Variants in SPTBN2 observed in about 807,000 individuals in gnomAD.
The protein encoded by SPTBN2 is spectrin beta chain, non-erythrocytic 2.
Under a neutral mutation model 284.2 loss-of-function variants are expected in SPTBN2, and 107 were observed. The observed-to-expected ratio is 0.38, with a 90% CI of 0.32 to 0.44. SPTBN2 has a LOEUF of 0.44. SPTBN2 is among the 20% of genes least tolerant of loss of function. The pLI is 1.00. For synonymous variants in SPTBN2, 1,289 were observed against 1,354.8 expected (o/e 0.95, Z 1.07); for missense variants, 2,569 against 3,287.1 (o/e 0.78, Z 5.34).
At chr11:66,703,504 G>A (rs1262001992) in intron 15 of SPTBN2, among the ~76,000 whole-genome samples, 1 of 152,150 alleles carries the variant, frequency 6.6e-6, no homozygotes, top group South Asian at 2.1e-4. Context: ...AGGCCAAGCC[G>A]GGTGGATCAC....
chr11:66,696,477 C>A lies in SPTBN2; in HGVS notation c.4078G>T (p.Asp1360Tyr). Residue 1360 changes from aspartate (D) to tyrosine (Y), a missense_variant, in exon 21 of 38, where the codon GAC becomes TAC. Transcript: ENST00000533211. ...AGCTCGTCCCAGCGCCTGTGCAGGT[C>A]TCTCAGCTTCTCCGACACCAGGGCT... ...LKALVSEKLRDLHRRWDELET... is the reference protein window; with the variant it reads ...LKALVSEKLRYLHRRWDELET... The A allele has an allele frequency of 6.2e-7, 1 of 1,612,398 alleles. No homozygotes were observed. Among genetic ancestry groups the A allele is most frequent in the Non-Finnish European group, 8.5e-7 (1 of 1,180,020 alleles).
intron 3 of SPTBN2, among the ~76,000 whole-genome samples, chr11:66,717,424 A>G (rs1206050854): frequency 6.6e-6 from 1 of 152,118 alleles, no homozygotes; most frequent in Non-Finnish European, 1.5e-5. Flanking sequence ...GAAACCGGAA[A>G]GACTCATCCC....
chr11:66,691,417 C>T lies in SPTBN2; in HGVS notation c.5432G>A (p.Arg1811His), dbSNP rs372128288. 32 of 1,612,016 alleles carry T rather than the reference C, an allele frequency of 2.0e-5. No homozygotes were observed. The highest frequency in any genetic ancestry group is 1.1e-4 in the African/African-American group (8 of 74,916). The change falls in exon 27 of 38, where the codon CGC (arginine) becomes CAC (histidine). Residue 1811 changes from arginine to histidine, a missense_variant. Physicochemically the swap from Arg to His is conservative, Grantham distance 29. Coordinates refer to ENST00000533211, the MANE Select transcript of SPTBN2 (RefSeq NM_006946.4). The surrounding 1 kb of genome is among the most constrained non-coding windows in gnomAD (Gnocchi z 8.0). ...YELQRFLHGARQALARVQHKQ... is the reference protein window; with the variant it reads ...YELQRFLHGAHQALARVQHKQ... ...GTGCTGCACCCGCGCCAGGGCTTGG[C>T]GTGCCCCGTGCAGGAAGCGCTGCAG...
At chr11:66,698,567 C>T (rs923148703) in intron 20 of SPTBN2, 72 bp downstream of exon 20, 27 of 1,608,688 alleles carry the variant, frequency 1.7e-5, no homozygotes, top group African/African-American at 4.0e-5. Flanking sequence ...ACAAAAACCA[C>T]GTCCTGGAGC....
rs997731601 is a variant in SPTBN2 at position 66,693,955 on chromosome 11, C to A, written c.4504-94G>T. The A allele has an allele frequency of 7.3e-7, 1 of 1,367,480 alleles. No individual in the cohort carries two copies. The highest frequency in any genetic ancestry group is 1.0e-6 in the Non-Finnish European group (1 of 982,402). The allele number at this position is 1,367,480 out of a possible 1,614,324, so 84.7% of individuals were successfully genotyped here. A position where few individuals can be genotyped will look rare whatever the true frequency, so the allele number is the denominator to read the frequency against. Reference sequence around the variant, plus strand: ...AGTGGGGACACCTGGGGCTACCGCCCTGTGTGTGGGGAACAGTCATCTCTG... The same window carrying A: ...AGTGGGGACACCTGGGGCTACCGCCATGTGTGTGGGGAACAGTCATCTCTG... On this transcript the variant is annotated intron_variant, in intron 22 of 37. Coordinates refer to ENST00000533211, the MANE Select transcript of SPTBN2 (RefSeq NM_006946.4). This position sits in a 1 kb window ranked among gnomAD's most constrained non-coding sequence, Gnocchi z 5.7.
chr11:66,693,120 C>T lies in SPTBN2; in HGVS notation c.4855-20G>A. ...CTCATCCTGGGGGAAGGGACAGTGG[C>T]ATCCAGCATCAGGTCAGGGGAGGGC... On this transcript the variant is annotated intron_variant, in intron 24 of 37. Transcript: ENST00000533211. The surrounding 1 kb of genome is among the most constrained non-coding windows in gnomAD (Gnocchi z 5.7). The T allele has an allele frequency of 1.2e-6, 2 of 1,614,196 alleles. No homozygotes were observed. The highest frequency in any genetic ancestry group is 1.7e-6 in the Non-Finnish European group (2 of 1,180,038).
chr11:66,715,109 T>G lies in SPTBN2; in HGVS notation c.483+113A>C. 7.2e-7 allele frequency: 1 copy of G among 1,383,460 alleles called. No individual in the cohort carries two copies. The highest frequency in any genetic ancestry group is 1.4e-5 in the African/African-American group (1 of 70,292). The allele number at this position is 1,383,460 out of a possible 1,614,324, so 85.7% of individuals were successfully genotyped here. On this transcript the variant is annotated intron_variant, in intron 5 of 37. Transcript: ENST00000533211. This position sits in a 1 kb window ranked among gnomAD's most constrained non-coding sequence, Gnocchi z 5.3. ...TAGCGCCGCCATGGCAGCTGCTACA[T>G]AAGGTTCTAGATCCTCCATCTTTGT...
chr11:66,692,814 C>G (rs959551317), intron 25 of SPTBN2, 74 bp from the exon 26 acceptor site: 1 of 1,597,256 alleles, frequency 6.3e-7, no homozygotes, highest in Non-Finnish European at 8.5e-7. Flanking sequence ...CTGTGGAGCC[C>G]TGTCCCTCTG....
At chr11:66,696,127 G>A (rs1378736228) in intron 21 of SPTBN2, 150 bp downstream of exon 21, 5 of 1,018,068 alleles carry the variant, frequency 4.9e-6, no homozygotes, top group Non-Finnish European at 7.4e-6. Flanking sequence ...CATATCCCTA[G>A]AGATTCTGAT....
chr11:66,705,928 G>C (rs750197755), intron 13 of SPTBN2, 91 bp from the exon 14 acceptor site: 7 of 1,530,582 alleles, frequency 4.6e-6, no homozygotes, highest in Non-Finnish European at 6.2e-6. Flanking sequence ...ACGGCCCCAG[G>C]TGTTGCACCC....
intron 3 of SPTBN2, among the ~76,000 whole-genome samples, chr11:66,717,792 G>A (rs909102188): frequency 2.0e-4 from 31 of 152,148 alleles, no homozygotes; most frequent in Non-Finnish European, 3.8e-4. Context: ...CAAGTGTCAC[G>A]TCACAAGACG....
At chr11:66,733,246 G>A (rs1395845150), upstream of SPTBN2, among the ~76,000 whole-genome samples, 1 of 152,194 alleles carries the variant, frequency 6.6e-6, no homozygotes, top group Non-Finnish European at 1.5e-5. Flanking sequence ...GGGGGAATAG[G>A]TTACTCCAGT....
chr11:66,686,864 C>T (rs1940150486), intron 36 of SPTBN2, 130 bp downstream of exon 36: 9 of 1,244,634 alleles, frequency 7.2e-6, no homozygotes, highest in Non-Finnish European at 1.0e-5. Flanking sequence ...ACACTATCCC[C>T]AAGTGGCTGG....
chr11:66,686,461 C>G, intron 36 of SPTBN2, 21 bp from the exon 37 acceptor site: 1 of 1,613,776 alleles, frequency 6.2e-7, no homozygotes. Flanking sequence ...AGAGAGGCCA[C>G]AGGGCAGAGC....
In SPTBN2 at chr11:66,708,467, G is replaced by A. The variant is rs1941686427; in HGVS notation, c.1192-168C>T. On this transcript the variant is annotated intron_variant, in intron 11 of 37. Coordinates refer to ENST00000533211, the MANE Select transcript of SPTBN2 (RefSeq NM_006946.4). This position sits in a 1 kb window ranked among gnomAD's most constrained non-coding sequence, Gnocchi z 4.4. ...AAACAGGGCAGCGCTGGGAGTCTGT[G>A]AAGCCATGTAGAAGCTTCTGGAAAA... Among the ~76,000 whole-genome samples the A allele has an allele frequency of 6.6e-6, 1 of 152,262 alleles. No homozygotes were observed. The highest frequency in any genetic ancestry group is 6.5e-5 in the Admixed American group (1 of 15,288).
intron 17 of SPTBN2, among the ~76,000 whole-genome samples, chr11:66,699,820 G>T (rs1440140645): frequency 1.3e-5 from 2 of 152,186 alleles, no homozygotes; most frequent in East Asian, 3.8e-4. Flanking sequence ...CCATTCCCCA[G>T]CCCAAATCCT....
chr11:66,721,346 CT>C lies in SPTBN2; in HGVS notation c.-23+3del. The C allele has an allele frequency of 6.9e-7, 1 of 1,448,986 alleles. No homozygotes were observed. Among genetic ancestry groups the C allele is most frequent in the Non-Finnish European group, 9.6e-7 (1 of 1,036,532 alleles). The allele number at this position is 1,448,986 out of a possible 1,614,324, so 89.8% of individuals were successfully genotyped here. ...CACCGGGGCCTTCTGTCTTCTTGCCCTACCTGTGCTCCGCTCTCCTTGTGGC... is the reference window on the plus strand; with the variant it reads ...CACCGGGGCCTTCTGTCTTCTTGCCCACCTGTGCTCCGCTCTCCTTGTGGC... On this transcript the variant is annotated splice_donor_region_variant and intron_variant, in intron 2 of 37. Transcript: ENST00000533211.
chr11:66,685,559 A>G lies in SPTBN2; in HGVS notation c.*312T>C, dbSNP rs1045058211. The G allele has an allele frequency of 8.3e-5, 31 of 375,220 alleles. No homozygotes were observed. Among genetic ancestry groups the G allele is most frequent in the African/African-American group, 6.1e-4 (28 of 45,620 alleles). 23.2% of individuals were successfully genotyped at this position (375,220 alleles called of 1,614,324 possible). A position where few individuals can be genotyped will look rare whatever the true frequency, so the allele number is the denominator to read the frequency against. On this transcript the variant is annotated 3_prime_UTR_variant, in exon 38 of 38. Transcript: ENST00000533211. This position sits in a 1 kb window ranked among gnomAD's most constrained non-coding sequence, Gnocchi z 4.4. ...GGGGCAGCCACTCCCCACATGGCCT[A>G]TGTTGAGGGTGCGGCACTGTCCACA...
intron 15 of SPTBN2, among the ~76,000 whole-genome samples, chr11:66,702,721 A>G (rs1182930272): frequency 6.6e-6 from 1 of 151,644 alleles, no homozygotes; most frequent in Non-Finnish European, 1.5e-5. Context: ...GGTGGATCAC[A>G]AGGTCAGGAG....
Sources: gnomAD v4.1 joint callset for allele counts (sites outside exome capture counted in the v4.1 genomes callset) on GRCh38, gnomAD v4.1.1 for gene constraint, Gnocchi (gnomAD v3.1) non-coding constraint, MANE v1.5 for transcripts, NCBI Gene and HGNC (gene_info 2026-07-23, HGNC 2026-07-21) for gene names.